The following CTIF variants were observed in gnomAD, a reference collection of about 807,000 sequenced individuals.
CTIF encodes cap binding complex dependent translation initiation factor.
A neutral mutation model predicts 66.0 loss-of-function variants in CTIF; 21 were observed. The ratio of observed to expected loss-of-function variants is 0.32; its 90% confidence interval spans 0.23 to 0.46. CTIF has a LOEUF of 0.46. CTIF is among the 20% of genes least tolerant of loss of function. The pLI is 1.00. For synonymous variants in CTIF, 345 were observed against 326.4 expected, an observed-to-expected ratio of 1.06 and a Z score of -0.62; for missense variants, 739 against 812.7, an observed-to-expected ratio of 0.91 and a Z score of 1.10.
chr18:48,611,069 T>C (rs2090299564), intron 1 of CTIF, among the ~76,000 whole-genome samples: 1 of 152,216 alleles, frequency 6.6e-6, no homozygotes, highest in Non-Finnish European at 1.5e-5. Context: ...GCTTGGATCC[T>C]GCATTGCAGC....
chr18:48,786,177 G>C (rs1474477726), intron 9 of CTIF, among the ~76,000 whole-genome samples: 1 of 152,172 alleles, frequency 6.6e-6, no homozygotes, highest in African/African-American at 2.4e-5. Context: ...AGACAGGGGA[G>C]GTGCCGGCGG....
chr18:48,644,516 T>C (rs1326639185), intron 3 of CTIF, among the ~76,000 whole-genome samples: 2 of 152,174 alleles, frequency 1.3e-5, no homozygotes, highest in African/African-American at 4.8e-5. Flanking sequence ...TTTCAGAAAA[T>C]GCCATCTGTC....
chr18:48,775,384 A>G (rs1376966576), intron 9 of CTIF, among the ~76,000 whole-genome samples: 2 of 152,246 alleles, frequency 1.3e-5, no homozygotes, highest in East Asian at 1.9e-4. Context: ...CATTCATTCA[A>G]GGTTCTTAGG....
chr18:48,713,066 C>T (rs10853570), intron 7 of CTIF, among the ~76,000 whole-genome samples: 39,933 of 152,062 alleles, frequency 0.26, 5,932 homozygotes, highest in African/African-American at 0.4. Context: ...TACAGTTTAT[C>T]GCATCGTGTG....
At chr18:48,853,702 C>T (rs1459189409) in intron 10 of CTIF, among the ~76,000 whole-genome samples, 2 of 152,242 alleles carry the variant, frequency 1.3e-5, no homozygotes, top group Non-Finnish European at 2.9e-5. Flanking sequence ...GGCCCTGGAG[C>T]CTGCACCCTA....
intron 9 of CTIF, among the ~76,000 whole-genome samples, chr18:48,777,482 A>G (rs1357419508): frequency 6.6e-6 from 1 of 152,184 alleles, no homozygotes; most frequent in Admixed American, 6.5e-5. Flanking sequence ...CCAGACCTCC[A>G]AAACGGGCCA....
intron 5 of CTIF, 174 bp from the exon 6 acceptor site, chr18:48,670,495 C>G (rs546882020): frequency 5.6e-5 from 29 of 516,802 alleles, no homozygotes; most frequent in Admixed American, 4.8e-4. Context: ...ACCCCCCCCC[C>G]ACACACACAC....
chr18:48,617,276 A>G (rs755766235), intron 1 of CTIF, among the ~76,000 whole-genome samples: 91 of 152,246 alleles, frequency 6.0e-4, no homozygotes, highest in Non-Finnish European at 1.0e-3. Context: ...CATGCTTTGG[A>G]TCTCTGGCTT....
At chr18:48,611,811 A>T (rs1212888830) in intron 1 of CTIF, among the ~76,000 whole-genome samples, 1 of 152,218 alleles carries the variant, frequency 6.6e-6, no homozygotes, top group African/African-American at 2.4e-5. Context: ...CAATTTAGTT[A>T]TACATTTTTT....
intron 6 of CTIF, among the ~76,000 whole-genome samples, chr18:48,677,558 C>T (rs921310070): frequency 5.9e-5 from 9 of 152,214 alleles, no homozygotes; most frequent in African/African-American, 1.7e-4. Context: ...CTTACCCTCA[C>T]GTTGTCCCAT....
chr18:48,809,728 T>C (rs2068221867), intron 9 of CTIF, among the ~76,000 whole-genome samples: 1 of 152,068 alleles, frequency 6.6e-6, no homozygotes, highest in Non-Finnish European at 1.5e-5. Flanking sequence ...TTTTAGCTTA[T>C]GAATTTTTAG....
At chr18:48,604,364 G>A (rs976859252) in intron 1 of CTIF, among the ~76,000 whole-genome samples, 21 of 150,264 alleles carry the variant, frequency 1.4e-4, no homozygotes, top group Non-Finnish European at 2.1e-4. Context: ...ATTTTTAGTA[G>A]AGACGGGGTT....
chr18:48,626,552 T>G (rs2090603149), intron 2 of CTIF, among the ~76,000 whole-genome samples: 1 of 151,404 alleles, frequency 6.6e-6, no homozygotes, highest in Non-Finnish European at 1.5e-5. Flanking sequence ...TTTCACTATG[T>G]TGGCCAGGCT....
chr18:48,823,107 A>G (rs1486556939), intron 10 of CTIF, among the ~76,000 whole-genome samples: 2 of 152,050 alleles, frequency 1.3e-5, no homozygotes, highest in East Asian at 3.8e-4. Flanking sequence ...CTCCTGTTCC[A>G]TACTTTGTCT....
chr18:48,845,945 A>G (rs1397109198), intron 10 of CTIF, among the ~76,000 whole-genome samples: 1 of 152,186 alleles, frequency 6.6e-6, no homozygotes, highest in Non-Finnish European at 1.5e-5. Context: ...AATTTTGCAC[A>G]GCAACCTTCT....
intron 9 of CTIF, among the ~76,000 whole-genome samples, chr18:48,794,690 C>T (rs1046930369): frequency 1.3e-5 from 2 of 152,176 alleles, no homozygotes; most frequent in African/African-American, 2.4e-5. Flanking sequence ...CAGGTGGGAT[C>T]GAAGCAGATG....
intron 9 of CTIF, among the ~76,000 whole-genome samples, chr18:48,778,087 G>A (rs918968550): frequency 6.6e-6 from 1 of 152,106 alleles, no homozygotes; most frequent in Non-Finnish European, 1.5e-5. Context: ...TTCCTCTTGG[G>A]GTTTTTTAGC....
intron 6 of CTIF, among the ~76,000 whole-genome samples, chr18:48,672,228 G>A (rs983187485): frequency 2.6e-5 from 4 of 151,698 alleles, no homozygotes; most frequent in Admixed American, 6.6e-5. Context: ...ACTTATCTGA[G>A]TTTTCCTAGT....
chr18:48,614,964 G>A (rs566232864), intron 1 of CTIF, among the ~76,000 whole-genome samples: 1 of 152,084 alleles, frequency 6.6e-6, no homozygotes, highest in East Asian at 1.9e-4. Flanking sequence ...GCAGCAACAC[G>A]ATCATAGCTC....
Sources: gnomAD v4.1 joint callset for allele counts (sites outside exome capture counted in the v4.1 genomes callset) on GRCh38, gnomAD v4.1.1 for gene constraint, MANE v1.5 for transcripts, NCBI Gene and HGNC (gene_info 2026-07-23, HGNC 2026-07-21) for gene names.